The following ERO1A variants were observed in gnomAD, a reference collection of about 807,000 sequenced individuals.
ERO1A encodes endoplasmic reticulum oxidoreductase 1 alpha, also known as ERO1-like protein alpha.
ERO1A carries 49 observed loss-of-function variants against 76.9 expected under a neutral mutation model. The ratio of observed to expected loss-of-function variants is 0.64; its 90% CI spans 0.51 to 0.81. The LOEUF is 0.81. ERO1A is among the 30% of genes least tolerant of loss of function. ERO1A has a pLI of 0.00. For missense variants in ERO1A, 448 were observed against 542.1 expected, an observed-to-expected ratio of 0.83 and a Z score of 1.72; for synonymous variants, 174 against 181.2, an observed-to-expected ratio of 0.96 and a Z score of 0.32.
Position 52,695,363 on chromosome 14 carries a change from C to T in ERO1A, c.114+5G>A. On this transcript the variant is annotated splice_donor_5th_base_variant and intron_variant, in intron 1 of 15. Transcript: ENST00000395686. ...ACCCTCAGCACCAACGCGCACATCG[C>T]TCACCTGGCAGAAGCACCTCTGTGC... The T allele has an allele frequency of 2.1e-6, 3 of 1,448,596 alleles. No individual in the cohort carries two copies. Among genetic ancestry groups the T allele is most frequent in the Non-Finnish European group, 1.8e-6 (2 of 1,088,910 alleles). 89.7% of individuals were successfully genotyped at this position (1,448,596 alleles called of 1,614,324 possible).
At chr14:52,673,129 G>A (rs1050347349) in intron 4 of ERO1A, among the ~76,000 whole-genome samples, 5 of 150,906 alleles carry the variant, frequency 3.3e-5, no homozygotes, top group South Asian at 2.1e-4. Context: ...TCGCTCTGTC[G>A]CCCAGGCTGG....
chr14:52,683,604 A>C (rs2041072729), intron 2 of ERO1A, among the ~76,000 whole-genome samples, 184 bp downstream of exon 2: 1 of 152,188 alleles, frequency 6.6e-6, no homozygotes, highest in Admixed American at 6.5e-5. Flanking sequence ...TGTAAAATTC[A>C]GTTATTAAAA....
intron 7 of ERO1A, among the ~76,000 whole-genome samples, chr14:52,665,460 A>C (rs1051968022): frequency 6.7e-6 from 1 of 148,368 alleles, no homozygotes; most frequent in Non-Finnish European, 1.5e-5. Flanking sequence ...AAAAAAAAAA[A>C]CACCACAGTC....
intron 2 of ERO1A, among the ~76,000 whole-genome samples, chr14:52,683,165 T>C (rs1040248638): frequency 1.3e-5 from 2 of 151,838 alleles, no homozygotes; most frequent in Non-Finnish European, 2.9e-5. Context: ...GCAGAGATCA[T>C]GCCACTGCAC....
chr14:52,671,579 T>C (rs977803969), intron 6 of ERO1A, 51 bp downstream of exon 6: 10 of 1,361,666 alleles, frequency 7.3e-6, no homozygotes, highest in Non-Finnish European at 9.2e-6. Flanking sequence ...AAAACTTTTT[T>C]TTTCTTAGGT....
intron 15 of ERO1A, 92 bp from the exon 16 acceptor site, chr14:52,643,722 T>A: frequency 1.5e-6 from 1 of 678,410 alleles, no homozygotes; most frequent in Non-Finnish European, 2.4e-6. Flanking sequence ...ATTTTTAAAG[T>A]AATTTATTTC....
At chr14:52,666,326 G>A (rs778927360) in intron 7 of ERO1A, 49 bp downstream of exon 7, 5 of 1,338,756 alleles carry the variant, frequency 3.7e-6, no homozygotes, top group Non-Finnish European at 5.2e-6. Flanking sequence ...TTTATAAAGA[G>A]AAATCACCAC....
chr14:52,693,354 C>G (rs1275125952), intron 1 of ERO1A, among the ~76,000 whole-genome samples: 2 of 152,134 alleles, frequency 1.3e-5, no homozygotes, highest in Non-Finnish European at 1.5e-5. Flanking sequence ...ACATCTTTCT[C>G]CCATGCTGGA....
At chr14:52,664,066 A>G (rs2139685072) in intron 7 of ERO1A, 1 of 364,754 alleles carries the variant, frequency 2.7e-6, no homozygotes, top group East Asian at 4.7e-5. Context: ...CCAGCAGGCC[A>G]TTTCCTAATC....
chr14:52,686,898 C>T (rs1160587500), intron 1 of ERO1A, among the ~76,000 whole-genome samples: 4 of 152,060 alleles, frequency 2.6e-5, no homozygotes, highest in Admixed American at 2.6e-4. Context: ...TGTCCTGCCC[C>T]TTCCTGAAAT....
intron 8 of ERO1A, 111 bp downstream of exon 8, chr14:52,663,690 C>G: frequency 1.5e-6 from 1 of 665,428 alleles, no homozygotes; most frequent in Non-Finnish European, 2.7e-6. Context: ...GGAAACAGGA[C>G]TGTGGATTAT....
At chr14:52,672,794 C>CAAAAAAAAAAAAAAAAAA (rs2040651370) in intron 4 of ERO1A, among the ~76,000 whole-genome samples, 1 of 132,982 alleles carries the variant, frequency 7.5e-6, no homozygotes. Context: ...AAAAAAAAAA[C>CAAAAAAAAAAAAAAAAAA]AAAAAACAAA....
rs376003500 is a variant in ERO1A, at chr14:52,658,117, T to C, written c.715+7A>G. 42 of 1,511,736 alleles carry C rather than the reference T, an allele frequency of 2.8e-5. No homozygotes were observed. Among genetic ancestry groups the C allele is most frequent in the Non-Finnish European group, 3.6e-5 (40 of 1,097,782 alleles). 93.6% of individuals were successfully genotyped at this position (1,511,736 alleles called of 1,614,324 possible). A position where few individuals can be genotyped will look rare whatever the true frequency, so the allele number is the denominator to read the frequency against. On this transcript the variant is annotated splice_region_variant and intron_variant, in intron 10 of 15. Transcript: ENST00000395686. ...TCATTGAAATTTATTTTAAAGTTTC[T>C]AATTACCTTCTAGCCAACTGTAAAA...
Position 52,640,319 on chromosome 14 carries a change from G to T in ERO1A, c.*3251C>A, listed in dbSNP as rs2039430682. ...TTCACAGAGGAAATGCTTATGTCAG[G>T]CCTGCAAGATGCATAGGAATTTTCC... On this transcript the variant is annotated 3_prime_UTR_variant, in exon 16 of 16. Transcript: ENST00000395686. 6.6e-6 allele frequency: 1 copy of T among 152,346 alleles called. No individual in the cohort carries two copies. Among genetic ancestry groups the T allele is most frequent in the South Asian group, 2.1e-4 (1 of 4,826 alleles). The allele number at this position is 152,346 out of a possible 1,614,324, so 9.4% of individuals were successfully genotyped here. A position where few individuals can be genotyped will look rare whatever the true frequency, so the allele number is the denominator to read the frequency against.
chr14:52,685,600 T>G (rs1158073014), intron 1 of ERO1A, among the ~76,000 whole-genome samples: 1 of 152,168 alleles, frequency 6.6e-6, no homozygotes, highest in African/African-American at 2.4e-5. Context: ...ATATGCAAAG[T>G]AGAGACATTA....
rs2039660282 is a variant in ERO1A at position 52,646,480 on chromosome 14, G to A, written c.1126-19C>T. ...AGTCCTCCTGAAAACAATTTAACAA[G>A]ATTTTATTAAGATGTAATATACAGT... On this transcript the variant is annotated intron_variant, in intron 13 of 15. Transcript: ENST00000395686. 6.4e-7 allele frequency: 1 copy of A among 1,567,686 alleles called. No individual in the cohort carries two copies. The highest frequency in any genetic ancestry group is 1.8e-5 in the Admixed American group (1 of 57,098).
chr14:52,663,308 A>G (rs2040288093), intron 8 of ERO1A, among the ~76,000 whole-genome samples: 1 of 152,128 alleles, frequency 6.6e-6, no homozygotes, highest in African/African-American at 2.4e-5. Context: ...TTATAAAAAT[A>G]CTTTTTACTG....
chr14:52,661,251 T>G, intron 9 of ERO1A, 42 bp downstream of exon 9: 1 of 826,574 alleles, frequency 1.2e-6, no homozygotes, highest in African/African-American at 1.8e-5. Flanking sequence ...TCTGAATGTA[T>G]AAACAAATTC....
intron 9 of ERO1A, among the ~76,000 whole-genome samples, chr14:52,659,987 C>T (rs1338529192): frequency 6.6e-6 from 1 of 152,134 alleles, no homozygotes; most frequent in Non-Finnish European, 1.5e-5. Context: ...GTGTGCACCA[C>T]CACGCCCAGC....
Sources: gnomAD v4.1 joint callset for allele counts (sites outside exome capture counted in the v4.1 genomes callset) on GRCh38, gnomAD v4.1.1 for gene constraint, MANE v1.5 for transcripts, NCBI Gene and HGNC (gene_info 2026-07-23, HGNC 2026-07-21) for gene names.